Variants in DYNC1I1 observed in about 807,000 individuals in gnomAD.
The protein encoded by DYNC1I1 is cytoplasmic dynein 1 intermediate chain 1.
DYNC1I1 carries 43 observed loss-of-function variants against 86.6 expected under a neutral mutation model. The observed-to-expected ratio is 0.50, with a 90% CI of 0.39 to 0.64. DYNC1I1 has a LOEUF of 0.64. Ranked by LOEUF, DYNC1I1 falls within the 30% of genes least tolerant of loss-of-function variation. The pLI, the probability that DYNC1I1 is intolerant of heterozygous loss-of-function variation, is 0.00. For missense variants in DYNC1I1, 604 were observed against 788.8 expected (o/e 0.77, Z 2.81); for synonymous variants, 262 against 283.7 (o/e 0.92, Z 0.77).
At chr7:95,981,561 T>G (rs1793459856) in intron 7 of DYNC1I1, among the ~76,000 whole-genome samples, 1 of 152,122 alleles carries the variant, frequency 6.6e-6, no homozygotes, top group African/African-American at 2.4e-5. Context: ...TTGGTAACTT[T>G]GAAAATTGTC....
intron 6 of DYNC1I1, among the ~76,000 whole-genome samples, chr7:95,879,766 T>C (rs1790404087): frequency 6.6e-6 from 1 of 152,172 alleles, no homozygotes; most frequent in Non-Finnish European, 1.5e-5. Context: ...CTTCCCTTTT[T>C]CTGGTATCCA....
intron 6 of DYNC1I1, among the ~76,000 whole-genome samples, chr7:95,931,381 C>T (rs1322736411): frequency 6.6e-6 from 1 of 152,148 alleles, no homozygotes; most frequent in African/African-American, 2.4e-5. Context: ...AACTCCTGGC[C>T]TCAAGTGATC....
chr7:96,001,425 A>T (rs965728655), intron 10 of DYNC1I1, among the ~76,000 whole-genome samples: 4 of 152,206 alleles, frequency 2.6e-5, no homozygotes, highest in African/African-American at 9.6e-5. Flanking sequence ...GGATAATAGA[A>T]ACAATATAGT....
intron 7 of DYNC1I1, among the ~76,000 whole-genome samples, chr7:95,982,746 A>G (rs372386163): frequency 1.1e-4 from 17 of 152,160 alleles, no homozygotes; most frequent in East Asian, 5.8e-4. Flanking sequence ...TTCTTGGCCT[A>G]TAGTATTCTT....
intron 16 of DYNC1I1, among the ~76,000 whole-genome samples, chr7:96,097,131 A>T (rs975724940): frequency 1.3e-5 from 2 of 152,172 alleles, no homozygotes; most frequent in Non-Finnish European, 2.9e-5. Context: ...TGGTCATTAT[A>T]TGCAGTTTTT....
Position 96,098,255 on chromosome 7 carries a change from G to A in DYNC1I1, c.*662G>A. The A allele has an allele frequency of 1.0e-6, 1 of 985,862 alleles. No individual in the cohort carries two copies. The highest frequency in any genetic ancestry group is 1.2e-6 in the Non-Finnish European group (1 of 829,940). The allele number at this position is 985,862 out of a possible 1,614,324, so 61.1% of individuals were successfully genotyped here. A position where few individuals can be genotyped will look rare whatever the true frequency, so the allele number is the denominator to read the frequency against. On this transcript the variant is annotated 3_prime_UTR_variant, in exon 17 of 17. Transcript: ENST00000447467. ...CACTGAAGACATGAAATCTTTAGAG[G>A]TTTCTTGCAGTGAACGAAATGAATT...
intron 6 of DYNC1I1, among the ~76,000 whole-genome samples, chr7:95,888,726 T>G (rs1431713310): frequency 3.9e-5 from 6 of 152,244 alleles, no homozygotes; most frequent in Admixed American, 6.5e-5. Context: ...CATTATTTGC[T>G]GCTGAAATAT....
At chr7:96,026,099 C>T (rs527795240) in intron 10 of DYNC1I1, among the ~76,000 whole-genome samples, 46 of 152,088 alleles carry the variant, frequency 3.0e-4, no homozygotes, top group African/African-American at 1.1e-3. Context: ...AACAAGAAGC[C>T]GACCAGCATT....
chr7:95,805,247 A>G (rs975055658), intron 2 of DYNC1I1, among the ~76,000 whole-genome samples: 3 of 152,318 alleles, frequency 2.0e-5, no homozygotes, highest in South Asian at 2.1e-4. Flanking sequence ...TATTCTAACT[A>G]TAAGTGTTAG....
chr7:96,086,389 A>G (rs1372471851), intron 16 of DYNC1I1, among the ~76,000 whole-genome samples: 1 of 152,230 alleles, frequency 6.6e-6, no homozygotes, highest in African/African-American at 2.4e-5. Context: ...TATATTTTAC[A>G]GTAGTCAAAT....
intron 6 of DYNC1I1, among the ~76,000 whole-genome samples, chr7:95,976,720 G>A (rs1793312746): frequency 6.6e-6 from 1 of 152,028 alleles, no homozygotes; most frequent in African/African-American, 2.4e-5. Flanking sequence ...CTATAATTTG[G>A]ATTTTCTTGT....
At chr7:95,901,538 C>T (rs1037802141) in intron 6 of DYNC1I1, among the ~76,000 whole-genome samples, 4 of 152,116 alleles carry the variant, frequency 2.6e-5, no homozygotes, top group African/African-American at 9.7e-5. Context: ...TTAAAAATAG[C>T]TTGTACTTAT....
intron 10 of DYNC1I1, among the ~76,000 whole-genome samples, chr7:96,011,255 T>C (rs1794268890): frequency 6.6e-6 from 1 of 152,182 alleles, no homozygotes; most frequent in African/African-American, 2.4e-5. Context: ...CTTTCCCTAG[T>C]TCTTGATATT....
intron 6 of DYNC1I1, among the ~76,000 whole-genome samples, chr7:95,895,130 C>G (rs528327506): frequency 5.5e-4 from 83 of 152,242 alleles, no homozygotes; most frequent in Admixed American, 9.2e-4. Context: ...TTTGGTGCAA[C>G]TTTGGCTTTG....
rs146381844 is a variant in DYNC1I1, at chr7:96,007,542, T to C, written c.969+11469T>C. Among the ~76,000 whole-genome samples, 498 of 152,338 alleles carry C rather than the reference T, an allele frequency of 3.3e-3. 2 individuals carry two copies. Among genetic ancestry groups the C allele is most frequent in the African/African-American group, 0.011 (466 of 41,584 alleles). ...ATGTGTGACTAGTTCATATCAATGA[T>C]GTTTGGGTGCAAAATTCGGAGATAG... On this transcript the variant is annotated intron_variant, in intron 10 of 16. Transcript: ENST00000447467.
chr7:95,784,582 A>C (rs1473359158), intron 1 of DYNC1I1, among the ~76,000 whole-genome samples: 1 of 152,212 alleles, frequency 6.6e-6, no homozygotes, highest in Non-Finnish European at 1.5e-5. Flanking sequence ...AGGGGTGGGC[A>C]TGAAGACTCT....
chr7:95,785,371 G>A (rs532952902), intron 1 of DYNC1I1, among the ~76,000 whole-genome samples: 7 of 152,174 alleles, frequency 4.6e-5, no homozygotes, highest in Non-Finnish European at 8.8e-5. Context: ...CCAAGATTGC[G>A]CCATTGCACT....
chr7:95,948,549 A>G (rs781465030), intron 6 of DYNC1I1, among the ~76,000 whole-genome samples: 4 of 152,130 alleles, frequency 2.6e-5, no homozygotes, highest in Non-Finnish European at 5.9e-5. Flanking sequence ...GACACCTTTG[A>G]TTCCTTAGAA....
chr7:95,954,528 G>A (rs1792651562), intron 6 of DYNC1I1, among the ~76,000 whole-genome samples: 1 of 151,966 alleles, frequency 6.6e-6, no homozygotes, highest in Non-Finnish European at 1.5e-5. Context: ...AGGCATTTAA[G>A]GGCATAAGCA....
Sources: allele counts gnomAD v4.1 joint callset (sites outside exome capture counted in the v4.1 genomes callset), GRCh38; gene constraint gnomAD v4.1.1; transcripts MANE v1.5; gene names NCBI Gene and HGNC (gene_info 2026-07-23, HGNC 2026-07-21).